The following PIK3AP1 variants were observed in gnomAD, a reference collection of about 807,000 sequenced individuals.
PIK3AP1 encodes phosphoinositide 3-kinase adapter protein 1.
PIK3AP1 carries 21 observed loss-of-function variants against 88.1 expected under a neutral mutation model. That is an observed-to-expected ratio of 0.24 (90% CI 0.17 to 0.34). The LOEUF is 0.34. PIK3AP1 is among the 10% of genes least tolerant of loss of function. PIK3AP1 has a pLI of 1.00. For missense variants in PIK3AP1, 828 were observed against 1,035.7 expected, an observed-to-expected ratio of 0.80 and a Z score of 2.75; for synonymous variants, 398 against 400.0, an observed-to-expected ratio of 1.00 and a Z score of 0.06.
chr10:96,617,730 C>T (rs371672396), intron 12 of PIK3AP1, among the ~76,000 whole-genome samples: 35 of 152,224 alleles, frequency 2.3e-4, no homozygotes, highest in Admixed American at 5.9e-4. Flanking sequence ...ACTGGGTGAG[C>T]GGAAGCACGG....
At chr10:96,613,350 T>C (rs2134193960) in intron 13 of PIK3AP1, among the ~76,000 whole-genome samples, 1 of 152,256 alleles carries the variant, frequency 6.6e-6, no homozygotes, top group South Asian at 2.1e-4. Flanking sequence ...GTTAGGCATA[T>C]TTTATTACAA....
chr10:96,687,269 A>AAAG (rs1844084448), intron 2 of PIK3AP1, among the ~76,000 whole-genome samples: 1 of 149,030 alleles, frequency 6.7e-6, no homozygotes, highest in African/African-American at 2.5e-5. Context: ...AAAAAAAAAA[A>AAAG]AAAAAAAAAA....
chr10:96,626,859 A>G lies in PIK3AP1; in HGVS notation c.1518T>C (p.Leu506=). 6.2e-7 allele frequency: 1 copy of G among 1,614,226 alleles called. No homozygotes were observed. The highest frequency in any genetic ancestry group is 1.1e-5 in the South Asian group (1 of 91,088). Reference sequence around the variant, plus strand: ...TGTGATAAACATCTTCTTCCTGACCAAGATGGCACTGATCTCTCTCCAGAT... The same window carrying G: ...TGTGATAAACATCTTCTTCCTGACCGAGATGGCACTGATCTCTCTCCAGAT... ...MTNLERDQCH[L]GQEEDVYHTV... is the part of the protein sequence containing the mutation. The change falls in exon 10 of 17, where the codon CTT becomes CTC. Residue 506 remains leucine (L), a synonymous_variant. Transcript: ENST00000339364.
intron 8 of PIK3AP1, among the ~76,000 whole-genome samples, 166 bp from the exon 9 acceptor site, chr10:96,628,659 T>G (rs908833713): frequency 7.9e-5 from 12 of 151,860 alleles, no homozygotes; most frequent in African/African-American, 2.7e-4. Flanking sequence ...CCAGTAAGTG[T>G]GAGGCATAAA....
intron 2 of PIK3AP1, among the ~76,000 whole-genome samples, chr10:96,678,089 G>A (rs866448313): frequency 1.7e-4 from 26 of 151,028 alleles, no homozygotes; most frequent in African/African-American, 5.6e-4. Context: ...TCAGCCTCCC[G>A]AGTAGTTAGG....
At chr10:96,619,975 G>A (rs1325806177) in intron 12 of PIK3AP1, among the ~76,000 whole-genome samples, 1 of 152,226 alleles carries the variant, frequency 6.6e-6, no homozygotes, top group Non-Finnish European at 1.5e-5. Context: ...GTCATAAAGT[G>A]TGATAGTTAT....
At position 96,604,033 on chromosome 10, in the gene PIK3AP1, G is replaced by A. The variant is rs2134183432; in HGVS notation, c.2187C>T (p.Arg729=). ...TSSTASSTSN[R]SSTRSLLSVS... ...CACTGAGGAGGCTCCGGGTGCTGGAGCGGTTACTTGTGCTACCTAAAGGGT... is the reference window on the plus strand; with the variant it reads ...CACTGAGGAGGCTCCGGGTGCTGGAACGGTTACTTGTGCTACCTAAAGGGT... The change falls in exon 15 of 17, where the codon CGC becomes CGT. Residue 729 remains arginine, a synonymous_variant. Coordinates refer to ENST00000339364, the MANE Select transcript of PIK3AP1 (RefSeq NM_152309.3). 2 of 1,605,072 alleles carry A rather than the reference G, an allele frequency of 1.2e-6. No individual in the cohort carries two copies. Among genetic ancestry groups the A allele is most frequent in the Non-Finnish European group, 1.7e-6 (2 of 1,175,082 alleles).
chr10:96,641,885 T>C (rs2134224362), intron 8 of PIK3AP1, among the ~76,000 whole-genome samples: 2 of 152,336 alleles, frequency 1.3e-5, no homozygotes, highest in South Asian at 4.1e-4. Context: ...TGGGCGGTGC[T>C]GCAAATACGC....
chr10:96,673,992 T>A (rs1843883244), intron 2 of PIK3AP1, among the ~76,000 whole-genome samples: 1 of 152,140 alleles, frequency 6.6e-6, no homozygotes, highest in Non-Finnish European at 1.5e-5. Context: ...AAGGGTAACT[T>A]TCTGTTCTCA....
At chr10:96,670,553 G>A (rs958026593) in intron 2 of PIK3AP1, among the ~76,000 whole-genome samples, 1 of 152,118 alleles carries the variant, frequency 6.6e-6, no homozygotes, top group Non-Finnish European at 1.5e-5. Context: ...AGGCATGAGC[G>A]CAAATGATGT....
intron 1 of PIK3AP1, among the ~76,000 whole-genome samples, chr10:96,713,191 G>A (rs867962799): frequency 9.9e-5 from 15 of 151,950 alleles, no homozygotes; most frequent in Non-Finnish European, 1.3e-4. Flanking sequence ...GTGAAACCCC[G>A]TCTCTACAAA....
rs746057898 is a variant in PIK3AP1 at position 96,594,214 on chromosome 10, G to A, written c.*1363C>T. ...GGTAATAATAAGTATGTAAAAAATA[G>A]ATAACTACAGTCGTACTTTGGTATC... is the stretch of plus-strand genomic sequence containing the variant. On this transcript the variant is annotated 3_prime_UTR_variant, in exon 17 of 17. Coordinates refer to ENST00000339364, the MANE Select transcript of PIK3AP1 (RefSeq NM_152309.3). The surrounding 1 kb of genome is among the most constrained non-coding windows in gnomAD (Gnocchi z 4.6). 6.6e-6 allele frequency: 1 copy of A among 152,138 alleles called. No homozygotes were observed. The highest frequency in any genetic ancestry group is 2.4e-5 in the African/African-American group (1 of 41,408). 9.4% of individuals were successfully genotyped at this position (152,138 alleles called of 1,614,324 possible).
chr10:96,606,788 G>C (rs1394953197), intron 14 of PIK3AP1, among the ~76,000 whole-genome samples: 1 of 152,148 alleles, frequency 6.6e-6, no homozygotes, highest in Non-Finnish European at 1.5e-5. Context: ...TTTCATCTTT[G>C]GTTCTCTAGC....
chr10:96,702,899 CAG>C (rs1844317910), intron 2 of PIK3AP1, among the ~76,000 whole-genome samples: 1 of 152,056 alleles, frequency 6.6e-6, no homozygotes, highest in Non-Finnish European at 1.5e-5. Context: ...TTCTTTGAGA[CAG>C]GGTCTCGCTC....
At chr10:96,637,421 T>G (rs1353206402) in intron 8 of PIK3AP1, among the ~76,000 whole-genome samples, 5 of 151,876 alleles carry the variant, frequency 3.3e-5, no homozygotes, top group Non-Finnish European at 7.4e-5. Context: ...TGGAGTGCAG[T>G]GGTGCAATCA....
intron 2 of PIK3AP1, among the ~76,000 whole-genome samples, chr10:96,701,742 G>C (rs1200764748): frequency 6.6e-6 from 1 of 152,174 alleles, no homozygotes; most frequent in Non-Finnish European, 1.5e-5. Flanking sequence ...TTGCAACCCT[G>C]TCTCTGGGGA....
At chr10:96,618,589 T>TAAAAAAA (rs5787201) in intron 12 of PIK3AP1, 1 of 143,432 alleles carries the variant, frequency 7.0e-6, no homozygotes, top group Non-Finnish European at 1.5e-5. Context: ...CAAGAAAATG[T>TAAAAAAA]AAAAAAAAAA....
At chr10:96,597,035 T>A (rs560941389) in intron 16 of PIK3AP1, among the ~76,000 whole-genome samples, 4 of 152,164 alleles carry the variant, frequency 2.6e-5, no homozygotes, top group Admixed American at 2.6e-4. Flanking sequence ...AAAATAAGAA[T>A]CACAGACAAC....
At chr10:96,629,714 CA>C (rs33921990) in intron 8 of PIK3AP1, among the ~76,000 whole-genome samples, 33 of 71,708 alleles carry the variant, frequency 4.6e-4, no homozygotes, top group Non-Finnish European at 3.8e-4. Flanking sequence ...CCCATCTCTA[CA>C]AAAAAAAAAA....
Sources: gnomAD v4.1 joint callset for allele counts (sites outside exome capture counted in the v4.1 genomes callset) on GRCh38, gnomAD v4.1.1 for gene constraint, Gnocchi (gnomAD v3.1) non-coding constraint, MANE v1.5 for transcripts, NCBI Gene and HGNC (gene_info 2026-07-23, HGNC 2026-07-21) for gene names.